Variants in SPAG16 observed in about 807,000 individuals in gnomAD.
SPAG16 encodes sperm-associated antigen 16 protein.
SPAG16 carries 86 observed loss-of-function variants against 80.4 expected under a neutral mutation model. The ratio of observed to expected loss-of-function variants is 1.07; its 90% CI spans 0.90 to 1.28. The LOEUF (loss-of-function observed/expected upper bound fraction) is 1.28, where lower values mean the gene tolerates loss of function less well. SPAG16 is among the 50% of genes most tolerant of loss of function. SPAG16 has a pLI of 0.00. For missense variants in SPAG16, 870 were observed against 765.3 expected (o/e 1.14, Z -1.61); for synonymous variants, 294 against 265.9 (o/e 1.11, Z -1.03).
intron 10 of SPAG16, among the ~76,000 whole-genome samples, chr2:213,686,308 G>A (rs966523710): frequency 1.3e-5 from 2 of 152,078 alleles, no homozygotes; most frequent in African/African-American, 4.8e-5. Flanking sequence ...TAGTAGAGAC[G>A]GGGTTTCACT....
At chr2:213,884,941 T>A (rs962805540) in intron 11 of SPAG16, among the ~76,000 whole-genome samples, 2 of 152,340 alleles carry the variant, frequency 1.3e-5, no homozygotes, top group East Asian at 3.9e-4. Context: ...TGAATATCAA[T>A]GACCTTCCTT....
chr2:213,378,622 A>T (rs912041002), intron 9 of SPAG16, among the ~76,000 whole-genome samples: 2 of 152,248 alleles, frequency 1.3e-5, no homozygotes, highest in African/African-American at 2.4e-5. Flanking sequence ...GTTTTAACAA[A>T]AGAAGGAGGG....
At chr2:213,946,909 T>C (rs940630562) in intron 12 of SPAG16, among the ~76,000 whole-genome samples, 12 of 152,224 alleles carry the variant, frequency 7.9e-5, no homozygotes, top group African/African-American at 2.4e-4. Context: ...ATCACTGTCA[T>C]TGTCAAATCA....
At chr2:213,822,234 A>G (rs2072990927) in intron 10 of SPAG16, among the ~76,000 whole-genome samples, 3 of 152,152 alleles carry the variant, frequency 2.0e-5, no homozygotes, top group Admixed American at 2.0e-4. Context: ...TTTTTGATAT[A>G]AGCCATTTTA....
chr2:213,973,952 T>C (rs2045221874), intron 12 of SPAG16, among the ~76,000 whole-genome samples: 1 of 152,158 alleles, frequency 6.6e-6, no homozygotes, highest in African/African-American at 2.4e-5. Context: ...GACCTGCATA[T>C]ACATATCTAT....
At chr2:213,468,147 T>A (rs1218722553) in intron 9 of SPAG16, among the ~76,000 whole-genome samples, 1 of 152,008 alleles carries the variant, frequency 6.6e-6, no homozygotes, top group Non-Finnish European at 1.5e-5. Context: ...AATTAGGGGA[T>A]AGAGAGGTGT....
chr2:214,335,873 C>A (rs1697256289), intron 15 of SPAG16, among the ~76,000 whole-genome samples: 1 of 151,056 alleles, frequency 6.6e-6, no homozygotes, highest in South Asian at 2.1e-4. Context: ...ATTCTCCTGC[C>A]TCAGCCTCCC....
intron 15 of SPAG16, among the ~76,000 whole-genome samples, chr2:214,405,543 C>T (rs1701949029): frequency 2.0e-5 from 3 of 152,286 alleles, no homozygotes; most frequent in African/African-American, 4.8e-5. Context: ...TGCCTGTAAT[C>T]CCAACACTTT....
At chr2:214,337,987 TGA>T (rs1214394179) in intron 15 of SPAG16, among the ~76,000 whole-genome samples, 1 of 152,182 alleles carries the variant, frequency 6.6e-6, no homozygotes, top group Non-Finnish European at 1.5e-5. Flanking sequence ...GTAGAGATGA[TGA>T]GATATTTATC....
At chr2:214,087,694 G>T (rs1274814182) in intron 13 of SPAG16, among the ~76,000 whole-genome samples, 3 of 152,030 alleles carry the variant, frequency 2.0e-5, no homozygotes, top group African/African-American at 4.8e-5. Context: ...GAATTAACCA[G>T]GGAATTAAAA....
chr2:213,514,615 C>T (rs1325073132), intron 10 of SPAG16, among the ~76,000 whole-genome samples: 1 of 113,248 alleles, frequency 8.8e-6, no homozygotes, highest in Non-Finnish European at 1.7e-5. Context: ...TATCCCTCCC[C>T]CCTCCCCCCA....
chr2:213,403,455 A>T (rs188437396), intron 9 of SPAG16, among the ~76,000 whole-genome samples: 2 of 152,316 alleles, frequency 1.3e-5, no homozygotes, highest in East Asian at 3.9e-4. Flanking sequence ...AAAGACAAAA[A>T]CCACCTGATT....
chr2:214,405,890 G>A (rs1701971204), intron 15 of SPAG16, among the ~76,000 whole-genome samples: 5 of 152,176 alleles, frequency 3.3e-5, no homozygotes, highest in Admixed American at 3.3e-4. Flanking sequence ...TCACAGTGTT[G>A]AGTGAAAAAC....
chr2:214,049,542 G>A (rs1012277686), intron 13 of SPAG16, among the ~76,000 whole-genome samples: 1 of 152,194 alleles, frequency 6.6e-6, no homozygotes, highest in African/African-American at 2.4e-5. Flanking sequence ...GATGGCAGGA[G>A]TTTCTGTTGA....
intron 13 of SPAG16, among the ~76,000 whole-genome samples, chr2:214,094,722 C>T (rs1008754723): frequency 6.6e-6 from 1 of 152,072 alleles, no homozygotes; most frequent in African/African-American, 2.4e-5. Context: ...CCTTCATTTT[C>T]CTCCTTTTAG....
chr2:214,244,394 G>GAA (rs5838420), intron 15 of SPAG16, among the ~76,000 whole-genome samples: 3 of 124,034 alleles, frequency 2.4e-5, no homozygotes, highest in Non-Finnish European at 5.3e-5. Context: ...CTGAAGTTCC[G>GAA]AAAAAAAAAA....
chr2:214,310,042 A>G (rs1052551376), intron 15 of SPAG16, among the ~76,000 whole-genome samples: 1 of 151,974 alleles, frequency 6.6e-6, no homozygotes, highest in Admixed American at 6.6e-5. Flanking sequence ...TTTTCATTCT[A>G]TTGAGGATCC....
At chr2:214,008,423 T>C (rs1328233578) in intron 12 of SPAG16, among the ~76,000 whole-genome samples, 1 of 152,064 alleles carries the variant, frequency 6.6e-6, no homozygotes, top group Non-Finnish European at 1.5e-5. Flanking sequence ...TTTCCACTTA[T>C]GTACATATGT....
At chr2:213,677,288 G>A (rs1276443531) in intron 10 of SPAG16, among the ~76,000 whole-genome samples, 1 of 151,850 alleles carries the variant, frequency 6.6e-6, no homozygotes, top group Admixed American at 6.6e-5. Context: ...AAATGTAAAT[G>A]GACTAAATGC....
Sources: gnomAD v4.1 joint callset for allele counts (sites outside exome capture counted in the v4.1 genomes callset) on GRCh38, gnomAD v4.1.1 for gene constraint, MANE v1.5 for transcripts, NCBI Gene and HGNC (gene_info 2026-07-23, HGNC 2026-07-21) for gene names.